Variants in PALM2AKAP2 observed in about 807,000 individuals in gnomAD.
The protein encoded by PALM2AKAP2 is PALM2 and AKAP2 fusion, also known as PALM2-AKAP2 fusion protein.
In PALM2AKAP2, 37 loss-of-function variants were observed where a neutral mutation model predicts 71.5. The ratio of observed to expected loss-of-function variants is 0.52; its 90% confidence interval spans 0.40 to 0.68. The LOEUF (loss-of-function observed/expected upper bound fraction) is 0.68. Among genes scored for constraint, PALM2AKAP2 ranks in the 30% least tolerant of loss-of-function variants. PALM2AKAP2 has a pLI of 0.00. For missense variants in PALM2AKAP2, 1,224 were observed against 1,191.8 expected, an observed-to-expected ratio of 1.03 and a Z score of -0.40; for synonymous variants, 468 against 478.8, an observed-to-expected ratio of 0.98 and a Z score of 0.29.
intron 1 of PALM2AKAP2, among the ~76,000 whole-genome samples, chr9:110,062,998 C>A (rs558121952): frequency 1.3e-5 from 2 of 152,312 alleles, no homozygotes; most frequent in African/African-American, 4.8e-5. Flanking sequence ...CAGGCGCAGT[C>A]ACCCAGGCCC....
intron 1 of PALM2AKAP2, among the ~76,000 whole-genome samples, chr9:110,092,211 A>C (rs533132466): frequency 6.6e-6 from 1 of 152,178 alleles, no homozygotes; most frequent in East Asian, 1.9e-4. Flanking sequence ...GCATTCCTGT[A>C]GTCCCAGCTA....
chr9:109,973,160 A>G (rs1334763677), intron 6 of PALM2AKAP2, among the ~76,000 whole-genome samples: 5 of 152,328 alleles, frequency 3.3e-5, no homozygotes, highest in African/African-American at 7.2e-5. Context: ...CCTTAAATTT[A>G]TCTTAGTGAT....
chr9:110,140,802 C>T (rs1037566371), intron 2 of PALM2AKAP2, among the ~76,000 whole-genome samples: 2 of 152,184 alleles, frequency 1.3e-5, no homozygotes, highest in African/African-American at 4.8e-5. Context: ...CTTACCCTCC[C>T]TGGGCTCCAA....
At chr9:109,701,485 A>C (rs886679763) in intron 1 of PALM2AKAP2, among the ~76,000 whole-genome samples, 6 of 152,240 alleles carry the variant, frequency 3.9e-5, no homozygotes, top group Non-Finnish European at 7.3e-5. Context: ...CAAAAACAAG[A>C]AATGGGGAAA....
intron 5 of PALM2AKAP2, among the ~76,000 whole-genome samples, chr9:109,925,813 C>T (rs990090238): frequency 6.6e-6 from 1 of 152,194 alleles, no homozygotes; most frequent in African/African-American, 2.4e-5. Context: ...GCTGCAAACC[C>T]ATGATTCCTA....
At chr9:109,924,221 C>T (rs934900011) in intron 4 of PALM2AKAP2, among the ~76,000 whole-genome samples, 2 of 152,188 alleles carry the variant, frequency 1.3e-5, no homozygotes, top group Admixed American at 6.5e-5. Context: ...TTATAGTTTG[C>T]TTTTTGAGTC....
chr9:109,732,081 G>A (rs1008167347), intron 1 of PALM2AKAP2, among the ~76,000 whole-genome samples: 2 of 152,210 alleles, frequency 1.3e-5, no homozygotes, highest in African/African-American at 2.4e-5. Context: ...AGACCCCAAC[G>A]AGACCTGTCT....
intron 6 of PALM2AKAP2, among the ~76,000 whole-genome samples, chr9:110,015,382 G>A (rs938141775): frequency 3.3e-5 from 5 of 152,064 alleles, no homozygotes; most frequent in African/African-American, 9.7e-5. Context: ...GTGGATCACC[G>A]GAGGTCAGGA....
chr9:109,966,683 T>C (rs1831955951), intron 6 of PALM2AKAP2, among the ~76,000 whole-genome samples: 2 of 152,270 alleles, frequency 1.3e-5, no homozygotes, highest in African/African-American at 4.8e-5. Context: ...CGTTATTTTT[T>C]GGTGTTTGAA....
At chr9:109,702,491 G>A (rs1200330734) in intron 1 of PALM2AKAP2, among the ~76,000 whole-genome samples, 1 of 149,202 alleles carries the variant, frequency 6.7e-6, no homozygotes, top group Non-Finnish European at 1.5e-5. Context: ...CTATTGCAAG[G>A]ACAAAAAACC....
intron 1 of PALM2AKAP2, among the ~76,000 whole-genome samples, chr9:109,846,050 G>T (rs181699933): frequency 7.9e-5 from 12 of 152,312 alleles, no homozygotes; most frequent in Middle Eastern, 3.4e-3. Flanking sequence ...AGGGCCATGT[G>T]GGGGGCAGTG....
At chr9:109,741,607 G>A (rs1406341945) in intron 1 of PALM2AKAP2, among the ~76,000 whole-genome samples, 1 of 152,184 alleles carries the variant, frequency 6.6e-6, no homozygotes, top group Non-Finnish European at 1.5e-5. Context: ...TGTTCCACAT[G>A]TTCACTGACA....
At chr9:110,133,466 TA>T (rs1178690961) in intron 1 of PALM2AKAP2, among the ~76,000 whole-genome samples, 2 of 152,162 alleles carry the variant, frequency 1.3e-5, no homozygotes, top group Non-Finnish European at 2.9e-5. Context: ...CCCTGCAGAA[TA>T]ACCTCCCCTC....
Position 109,735,246 on chromosome 9 carries a change from G to T in PALM2AKAP2, c.6-45242G>T, listed in dbSNP as rs981914491. On this transcript the variant is annotated intron_variant, in intron 1 of 6. Coordinates refer to the PALM2AKAP2 transcript ENST00000374531. ...GAAGCTCCTTTGTAGCTCAAGCTGG[G>T]CCTGCTCTCCAGCAACTCAAACTCA... Among the ~76,000 whole-genome samples, 4 of 150,272 alleles carry T rather than the reference G, an allele frequency of 2.7e-5. No homozygotes were observed. The South Asian group carries it at 6.5e-4, about 25-fold the overall frequency.
At chr9:110,045,626 G>C (rs1833582747), upstream of PALM2AKAP2, among the ~76,000 whole-genome samples, 1 of 151,962 alleles carries the variant, frequency 6.6e-6, no homozygotes, top group South Asian at 2.1e-4. Flanking sequence ...GGAGTGCAGT[G>C]GTGCAATCTC....
At chr9:109,911,495 G>C (rs1279696387) in intron 3 of PALM2AKAP2, among the ~76,000 whole-genome samples, 1 of 152,096 alleles carries the variant, frequency 6.6e-6, no homozygotes, top group Admixed American at 6.5e-5. Flanking sequence ...TTTGTATTTG[G>C]GCTTCAATAT....
intron 3 of PALM2AKAP2, among the ~76,000 whole-genome samples, chr9:109,881,182 A>G (rs1829840562): frequency 1.3e-5 from 2 of 152,040 alleles, no homozygotes; most frequent in South Asian, 2.1e-4. Flanking sequence ...AATGGCCTCC[A>G]CCTCTATCCA....
At chr9:110,113,777 C>T (rs540482550) in intron 1 of PALM2AKAP2, among the ~76,000 whole-genome samples, 13 of 152,156 alleles carry the variant, frequency 8.5e-5, no homozygotes, top group Admixed American at 8.5e-4. Context: ...AGGTGATCCA[C>T]CTGCCTCGGC....
intron 3 of PALM2AKAP2, among the ~76,000 whole-genome samples, chr9:109,920,828 C>T (rs549600270): frequency 6.7e-6 from 1 of 149,110 alleles, no homozygotes; most frequent in Non-Finnish European, 1.5e-5. Context: ...ATAAAACCTG[C>T]TCAGAGCCCA....
Sources: gnomAD v4.1 joint callset for allele counts (sites outside exome capture counted in the v4.1 genomes callset) on GRCh38, gnomAD v4.1.1 for gene constraint, MANE v1.5 for transcripts, NCBI Gene and HGNC (gene_info 2026-07-23, HGNC 2026-07-21) for gene names.